Variants in SDK2 observed in about 807,000 individuals in gnomAD.
SDK2 encodes the protein protein sidekick-2.
In SDK2, 105 loss-of-function variants were observed where a neutral mutation model predicts 253.9. The observed-to-expected ratio is 0.41, with a 90% CI of 0.35 to 0.49. The LOEUF (loss-of-function observed/expected upper bound fraction) is 0.49. Among genes scored for constraint, SDK2 ranks in the 20% least tolerant of loss-of-function variants. The pLI, the probability that SDK2 is intolerant of heterozygous loss-of-function variation, is 0.06. For missense variants in SDK2, 2,608 were observed against 3,003.0 expected (o/e 0.87, Z 3.07); for synonymous variants, 1,249 against 1,234.9 (o/e 1.01, Z -0.24).
At chr17:73,476,771 C>T (rs1286865763) in intron 2 of SDK2, among the ~76,000 whole-genome samples, 5 of 152,234 alleles carry the variant, frequency 3.3e-5, no homozygotes, top group African/African-American at 4.8e-5. Flanking sequence ...CTATTTGCTT[C>T]AGCCAGGAAT....
rs1175977017 is a variant in SDK2, at chr17:73,452,283, C to A, written c.479+3623G>T. On this transcript the variant is annotated intron_variant, in intron 4 of 44. Coordinates refer to ENST00000392650, the MANE Select transcript of SDK2 (RefSeq NM_001144952.2). The stretch of plus-strand genomic sequence containing the variant: ...CAGCGCCTTCTGTGCCCTGCACACC[C>A]CTCTGGCAGATAGCACTCATCAGAT... Among the ~76,000 whole-genome samples the A allele has an allele frequency of 3.3e-5, 5 of 152,198 alleles. No homozygotes were observed. In the East Asian group the frequency reaches 9.6e-4, roughly 29 times the overall value.
intron 41 of SDK2, among the ~76,000 whole-genome samples, chr17:73,351,759 G>T (rs1483713413): frequency 6.6e-6 from 1 of 152,116 alleles, no homozygotes; most frequent in Non-Finnish European, 1.5e-5. Flanking sequence ...CAAGAGATGG[G>T]CTCTCTGTTT....
chr17:73,523,925 T>C lies in SDK2; in HGVS notation c.65-16328A>G, dbSNP rs572079709. 8.5e-5 allele frequency among the ~76,000 whole-genome samples: 13 copies of C among 152,332 alleles called. No individual in the cohort carries two copies. In the East Asian group the frequency reaches 1.4e-3, roughly 16 times the overall value. On this transcript the variant is annotated intron_variant, in intron 1 of 44. Coordinates refer to ENST00000392650, the MANE Select transcript of SDK2 (RefSeq NM_001144952.2). ...TGAGAGCCTTACTGGACCTGGTACA[T>C]CTTGGTCATTTCTGTACCTTCAGTC...
At chr17:73,622,370 T>C (rs1387065138) in intron 1 of SDK2, among the ~76,000 whole-genome samples, 2 of 152,242 alleles carry the variant, frequency 1.3e-5, no homozygotes, top group African/African-American at 2.4e-5. Flanking sequence ...CCAAGCCCGA[T>C]GCAGAGGTCT....
chr17:73,406,708 T>C (rs2063082407), intron 18 of SDK2, among the ~76,000 whole-genome samples: 1 of 152,178 alleles, frequency 6.6e-6, no homozygotes, highest in Non-Finnish European at 1.5e-5. Context: ...AACGTAATTA[T>C]AGAATAAAAT....
chr17:73,423,028 G>GAATA, intron 14 of SDK2, among the ~76,000 whole-genome samples: 1 of 31,078 alleles, frequency 3.2e-5, no homozygotes, highest in East Asian at 3.0e-4. Flanking sequence ...TCTCAAAAAT[G>GAATA]AATAAATAAA....
At chr17:73,604,674 G>C (rs1468744970) in intron 1 of SDK2, among the ~76,000 whole-genome samples, 1 of 152,170 alleles carries the variant, frequency 6.6e-6, no homozygotes, top group African/African-American at 2.4e-5. Context: ...AGAAAGGATA[G>C]CATTAGGGTT....
At chr17:73,581,173 C>T (rs539869458) in intron 1 of SDK2, among the ~76,000 whole-genome samples, 5 of 152,102 alleles carry the variant, frequency 3.3e-5, no homozygotes, top group East Asian at 1.9e-4. Flanking sequence ...TGAGCCACTG[C>T]GCTCAGCACT....
At chr17:73,501,671 C>T (rs1438250402) in intron 2 of SDK2, among the ~76,000 whole-genome samples, 1 of 152,186 alleles carries the variant, frequency 6.6e-6, no homozygotes, top group Non-Finnish European at 1.5e-5. Context: ...CAGGTGGCCA[C>T]TCAGAGGAGA....
intron 1 of SDK2, among the ~76,000 whole-genome samples, chr17:73,537,304 C>T (rs953510388): frequency 1.3e-5 from 2 of 152,152 alleles, no homozygotes; most frequent in Admixed American, 6.5e-5. Context: ...GGGAGATAAA[C>T]GGAGAGGCCA....
chr17:73,424,854 A>T (rs925531224), intron 12 of SDK2, among the ~76,000 whole-genome samples: 22 of 152,346 alleles, frequency 1.4e-4, no homozygotes, highest in African/African-American at 5.1e-4. Flanking sequence ...GCTGGCTCCC[A>T]GGACTATCTG....
At chr17:73,375,661 G>A (rs1457644456) in intron 36 of SDK2, among the ~76,000 whole-genome samples, 1 of 152,126 alleles carries the variant, frequency 6.6e-6, no homozygotes, top group African/African-American at 2.4e-5. Context: ...CTCGAGACAA[G>A]CTTGGCCAAC....
intron 2 of SDK2, among the ~76,000 whole-genome samples, chr17:73,483,677 A>G (rs866463788): frequency 0.28 from 17,551 of 62,710 alleles, 3,248 homozygotes; most frequent in East Asian, 0.34. Flanking sequence ...ATATATATAT[A>G]TATATTTATA....
rs1333671957 is a variant in SDK2 at position 73,373,205 on chromosome 17, T to C, written c.4981-4612A>G. Among the ~76,000 whole-genome samples the C allele has an allele frequency of 2.6e-5, 4 of 152,272 alleles. No individual in the cohort carries two copies. In the East Asian group the frequency reaches 7.7e-4, roughly 29 times the overall value. The stretch of plus-strand genomic sequence containing the variant: ...TGTTGTTGCAAACAGCAGGATTTCC[T>C]TCAAGGCTGGATGGTATTCCACTGT... On this transcript the variant is annotated intron_variant, in intron 36 of 44. Coordinates refer to ENST00000392650, the MANE Select transcript of SDK2 (RefSeq NM_001144952.2).
At chr17:73,517,464 G>C (rs1372631716) in intron 1 of SDK2, 1 of 152,226 alleles carries the variant, frequency 6.6e-6, no homozygotes. Flanking sequence ...TAAAGACAGA[G>C]GCAGGGACTG....
intron 25 of SDK2, among the ~76,000 whole-genome samples, chr17:73,394,812 C>T (rs773546081): frequency 6.6e-6 from 1 of 152,144 alleles, no homozygotes; most frequent in Non-Finnish European, 1.5e-5. Flanking sequence ...ACCCTTTCCT[C>T]GACCCCTCCA....
intron 19 of SDK2, 41 bp from the exon 20 acceptor site, chr17:73,401,793 G>A: frequency 1.3e-6 from 2 of 1,517,356 alleles, no homozygotes; most frequent in East Asian, 2.4e-5. Context: ...AGGCCAGTTA[G>A]AGCCAGAGAG....
Position 73,435,314 on chromosome 17 carries a change from G to A in SDK2, c.1195+136C>T. ...ACTGGCTGTGCCCCCAGGCTGCTGGGCAGCAGGCGGCCTTTGGGGATCCTA... is the reference window on the plus strand; with the variant it reads ...ACTGGCTGTGCCCCCAGGCTGCTGGACAGCAGGCGGCCTTTGGGGATCCTA... On this transcript the variant is annotated intron_variant, in intron 9 of 44. Coordinates refer to ENST00000392650, the MANE Select transcript of SDK2 (RefSeq NM_001144952.2). The surrounding 1 kb of genome is among the most constrained non-coding windows in gnomAD (Gnocchi z 5.7). 1 of 818,374 alleles carries A rather than the reference G, an allele frequency of 1.2e-6. No homozygotes were observed. Among genetic ancestry groups the A allele is most frequent in the Non-Finnish European group, 1.9e-6 (1 of 539,302 alleles). The allele number at this position is 818,374 out of a possible 1,614,324, so 50.7% of individuals were successfully genotyped here. A position where few individuals can be genotyped will look rare whatever the true frequency, so the allele number is the denominator to read the frequency against.
chr17:73,396,348 A>G (rs1430707549), intron 24 of SDK2, among the ~76,000 whole-genome samples: 1 of 152,084 alleles, frequency 6.6e-6, no homozygotes, highest in East Asian at 1.9e-4. Flanking sequence ...CCTGGCCTCC[A>G]CTACTCTGAA....
Sources: gnomAD v4.1 joint callset for allele counts (sites outside exome capture counted in the v4.1 genomes callset) on GRCh38, gnomAD v4.1.1 for gene constraint, Gnocchi (gnomAD v3.1) non-coding constraint, MANE v1.5 for transcripts, NCBI Gene and HGNC (gene_info 2026-07-23, HGNC 2026-07-21) for gene names.